The following NCOR2 variants were observed in gnomAD, a reference collection of about 807,000 sequenced individuals.
NCOR2 encodes the protein CTG repeat protein 26.
A neutral mutation model predicts 262.9 loss-of-function variants in NCOR2; 81 were observed. The observed-to-expected ratio is 0.31, with a 90% CI of 0.26 to 0.37. NCOR2 has a LOEUF of 0.37. NCOR2 is among the 10% of genes least tolerant of loss of function. The pLI is 1.00. For synonymous variants in NCOR2, 1,659 were observed against 1,559.3 expected (o/e 1.06, Z -1.51); for missense variants, 3,385 against 3,621.4 (o/e 0.93, Z 1.68).
At chr12:124,335,692 G>A in intron 38 of NCOR2, 60 bp from the exon 41 acceptor site, 7 of 1,536,322 alleles carry the variant, frequency 4.6e-6, no homozygotes, top group Non-Finnish European at 6.1e-6. Context: ...AGCCCGAGGG[G>A]CAGGGCTGCC....
rs929119667 is a variant in NCOR2 at position 124,482,535 on chromosome 12, C to T, written c.411+1061G>A. ...AGTTCCCACGCATGGGGCCCACAGC[C>T]GAGCCCTCTACCCACATGACCAGGT... is the stretch of plus-strand genomic sequence containing the variant. On this transcript the variant is annotated intron_variant, in intron 3 of 46. Transcript: ENST00000405201. The surrounding 1 kb of genome is among the most constrained non-coding windows in gnomAD (Gnocchi z 6.3). Among the ~76,000 whole-genome samples the T allele has an allele frequency of 2.6e-5, 4 of 152,204 alleles. No individual in the cohort carries two copies. The highest frequency in any genetic ancestry group is 6.5e-5 in the Admixed American group (1 of 15,288).
intron 20 of NCOR2, among the ~76,000 whole-genome samples, chr12:124,369,873 G>A (rs1485397758): frequency 6.6e-6 from 1 of 151,956 alleles, no homozygotes; most frequent in Non-Finnish European, 1.5e-5. Context: ...AGTGCCCTGC[G>A]GGGCCTCAGG....
At position 124,481,866 on chromosome 12, in the gene NCOR2, G is replaced by A. The variant is rs925473211; in HGVS notation, c.411+1730C>T. Among the ~76,000 whole-genome samples, 8 of 152,104 alleles carry A rather than the reference G, an allele frequency of 5.3e-5. No individual in the cohort carries two copies. The highest frequency in any genetic ancestry group is 5.9e-5 in the Non-Finnish European group (4 of 68,010). On this transcript the variant is annotated intron_variant, in intron 3 of 46. Coordinates refer to ENST00000405201, the Ensembl canonical transcript of NCOR2. This position sits in a 1 kb window ranked among gnomAD's most constrained non-coding sequence, Gnocchi z 4.6. Reference sequence around the variant, plus strand: ...GGAAGATAAACTGAAGGGAGTAGAGGGAGGCAGGAGCAGGGAGACCCAGGA... The same window carrying A: ...GGAAGATAAACTGAAGGGAGTAGAGAGAGGCAGGAGCAGGGAGACCCAGGA...
At chr12:124,357,585 C>T (rs1006999406) in intron 22 of NCOR2, among the ~76,000 whole-genome samples, 1 of 152,284 alleles carries the variant, frequency 6.6e-6, no homozygotes, top group Admixed American at 6.5e-5. Context: ...CGTGAGCCCC[C>T]ACGCCTGGCC....
chr12:124,396,541 G>C (rs889574279), intron 16 of NCOR2, among the ~76,000 whole-genome samples: 2 of 152,202 alleles, frequency 1.3e-5, no homozygotes, highest in African/African-American at 4.8e-5. Flanking sequence ...GGCCCTACCA[G>C]CTGGATACAG....
intron 12 of NCOR2, 28 bp downstream of exon 14, chr12:124,422,473 A>G (rs1472661925): frequency 1.9e-6 from 3 of 1,613,556 alleles, no homozygotes; most frequent in African/African-American, 2.7e-5. Flanking sequence ...GTGGAGACCG[A>G]AGGGGTATGG....
chr12:124,360,654 A>C (rs1593211968), intron 22 of NCOR2, among the ~76,000 whole-genome samples: 4 of 149,574 alleles, frequency 2.7e-5, no homozygotes, highest in Non-Finnish European at 3.0e-5. Flanking sequence ...CTCACTGTCC[A>C]CCCGCCCACC....
intron 1 of NCOR2, among the ~76,000 whole-genome samples, chr12:124,507,332 G>A (rs973367074): frequency 6.6e-6 from 1 of 152,182 alleles, no homozygotes; most frequent in Non-Finnish European, 1.5e-5. Flanking sequence ...ATGGCTGAAG[G>A]TAAATTTCAC....
chr12:124,378,940 C>G lies in NCOR2; in HGVS notation c.2020-556G>C, dbSNP rs373197364. On this transcript the variant is annotated intron_variant, in intron 17 of 46. Coordinates refer to ENST00000405201, the Ensembl canonical transcript of NCOR2. The surrounding 1 kb of genome is among the most constrained non-coding windows in gnomAD (Gnocchi z 4.2). The stretch of plus-strand genomic sequence containing the variant: ...GTCCTGCCCTTGGAGGCTGCCCTGC[C>G]GCTGGGGAGACTGGCAACGTGCTCC... Among the ~76,000 whole-genome samples the G allele has an allele frequency of 2.6e-5, 1 of 37,830 alleles. No individual in the cohort carries two copies. Among genetic ancestry groups the G allele is most frequent in the Non-Finnish European group, 8.9e-5 (1 of 11,212 alleles). 24.8% of individuals were successfully genotyped at this position (37,830 alleles called of 152,430 possible). A position where few individuals can be genotyped will look rare whatever the true frequency, so the allele number is the denominator to read the frequency against.
At chr12:124,344,787 C>G in exon 32 of NCOR2, 1 of 1,551,666 alleles carries the variant, frequency 6.4e-7, no homozygotes, top group South Asian at 1.2e-5. Context: ...GCCGGCTCTT[C>G]AGGCTCTCCT....
chr12:124,518,509 CG>C (rs1355062423), intron 1 of NCOR2, among the ~76,000 whole-genome samples: 4 of 152,276 alleles, frequency 2.6e-5, no homozygotes, highest in African/African-American at 9.6e-5. Context: ...CCTGACCCCA[CG>C]GCTGGGCCGT....
Position 124,326,062 on chromosome 12 carries a change from G to A in NCOR2, c.7363+129C>T, listed in dbSNP as rs1371877854. 4.0e-5 allele frequency: 43 copies of A among 1,067,030 alleles called. No homozygotes were observed. The Admixed American group carries it at 5.2e-4, about 13-fold the overall frequency. 66.1% of individuals were successfully genotyped at this position (1,067,030 alleles called of 1,614,324 possible). On this transcript the variant is annotated intron_variant, in intron 46 of 46. Coordinates refer to ENST00000405201, the Ensembl canonical transcript of NCOR2. Reference sequence around the variant, plus strand: ...TCAGCTGCCCAGGCCCCTGGACAGCGTTTCCACAGAACAGGCCCGAGTCTG... The same window carrying A: ...TCAGCTGCCCAGGCCCCTGGACAGCATTTCCACAGAACAGGCCCGAGTCTG...
rs2048944189 is a variant in NCOR2 at position 124,504,577 on chromosome 12, A to C, written c.-117-9209T>G. On this transcript the variant is annotated intron_variant, in intron 1 of 46. Coordinates refer to the NCOR2 transcript ENST00000404621. This position sits in a 1 kb window ranked among gnomAD's most constrained non-coding sequence, Gnocchi z 4.5. ...AAAACTGGTGACAAAACAAACAGAA[A>C]GGATTAGAATGCCCACAGCAGCACT... Among the ~76,000 whole-genome samples the C allele has an allele frequency of 1.3e-5, 2 of 152,202 alleles. No homozygotes were observed. The highest frequency in any genetic ancestry group is 2.9e-5 in the Non-Finnish European group (2 of 68,040).
chr12:124,359,308 C>G (rs1307032640), intron 22 of NCOR2, among the ~76,000 whole-genome samples: 1 of 152,214 alleles, frequency 6.6e-6, no homozygotes, highest in Non-Finnish European at 1.5e-5. Context: ...CACGCCGCCT[C>G]CAGATGAACA....
chr12:124,403,643 C>T (rs186157810), intron 13 of NCOR2, among the ~76,000 whole-genome samples: 3 of 152,304 alleles, frequency 2.0e-5, no homozygotes, highest in East Asian at 1.9e-4. Context: ...GGCACAGTCA[C>T]GGCAATGTTT....
rs147027235 is a variant in NCOR2, at chr12:124,479,330, GCACA to G, written c.411+4262_411+4265del. On this transcript the variant is annotated intron_variant, in intron 3 of 46. Coordinates refer to ENST00000405201, the Ensembl canonical transcript of NCOR2. ...TGCACGGACACATGCACACACGTGC[GCACA>G]CAAACACACATACACACGTGCAACA... Among the ~76,000 whole-genome samples the G allele has an allele frequency of 2.1e-3, 312 of 150,262 alleles. 6 individuals carry two copies. The East Asian group carries it at 0.058, about 28-fold the overall frequency.
chr12:124,399,727 C>T (rs1246630085), intron 15 of NCOR2, among the ~76,000 whole-genome samples: 3 of 152,190 alleles, frequency 2.0e-5, no homozygotes, highest in Admixed American at 6.5e-5. Context: ...GGCGGGGCTT[C>T]GGCCTGAGCG....
intron 7 of NCOR2, among the ~76,000 whole-genome samples, chr12:124,438,558 G>T (rs769954152): frequency 7.2e-5 from 11 of 151,856 alleles, no homozygotes; most frequent in East Asian, 5.8e-4. Context: ...AAACCCCCGG[G>T]CGGGGGCGGT....
At chr12:124,365,967 A>C (rs1247277336) in intron 20 of NCOR2, among the ~76,000 whole-genome samples, 1 of 152,104 alleles carries the variant, frequency 6.6e-6, no homozygotes, top group East Asian at 1.9e-4. Context: ...AGGTTTACCT[A>C]CCACCATCCG....
Sources: allele counts gnomAD v4.1 joint callset (sites outside exome capture counted in the v4.1 genomes callset), GRCh38; gene constraint gnomAD v4.1.1; non-coding constraint Gnocchi (gnomAD v3.1); transcripts MANE v1.5; gene names NCBI Gene and HGNC (gene_info 2026-07-23, HGNC 2026-07-21).